TGM3: variants seen among roughly 807,000 people sequenced by gnomAD.
The protein encoded by TGM3 is transglutaminase 3.
A neutral mutation model predicts 73.8 loss-of-function variants in TGM3; 52 were observed. The ratio of observed to expected loss-of-function variants is 0.70; its 90% CI spans 0.56 to 0.89. The LOEUF (loss-of-function observed/expected upper bound fraction) is 0.89. Ranked by LOEUF, TGM3 falls within the 40% of genes least tolerant of loss-of-function variation. The pLI is 0.00. For synonymous variants in TGM3, 372 were observed against 354.9 expected (o/e 1.05, Z -0.54); for missense variants, 928 against 909.9 (o/e 1.02, Z -0.26).
Position 2,328,433 on chromosome 20 carries a change from A to T in TGM3, c.1333+68A>T. 1 of 1,589,358 alleles carries T rather than the reference A, an allele frequency of 6.3e-7. No individual in the cohort carries two copies. Among genetic ancestry groups the T allele is most frequent in the Non-Finnish European group, 8.6e-7 (1 of 1,166,608 alleles). On this transcript the variant is annotated intron_variant, in intron 9 of 12. Coordinates refer to ENST00000381458, the MANE Select transcript of TGM3 (RefSeq NM_003245.4). The surrounding 1 kb of genome is among the most constrained non-coding windows in gnomAD (Gnocchi z 5.2). ...TGTGGGAGGATGGCTCTGAGGCTGG[A>T]GAGGAGAAAAGTCCTCACCTCCCCC...
chr20:2,313,924 C>G (rs1025288675), intron 5 of TGM3, among the ~76,000 whole-genome samples: 63 of 151,942 alleles, frequency 4.1e-4, no homozygotes, highest in Non-Finnish European at 8.4e-4. Flanking sequence ...ACCTGTAATC[C>G]CAGCACTTTG....
rs764108212 is a variant in TGM3, at chr20:2,311,021, C to G, written c.432C>G (p.Val144=). ...TTTTGTATCAAATAGTGGATAGCGT[C>G]TTTATGGGTAACCACGCTGAGAGAG... The part of the protein sequence containing the change: ...LFNPWLNVDS[V]FMGNHAEREE... Residue 144 remains valine (V), a synonymous_variant, in exon 4 of 13, where the codon GTC becomes GTG. Coordinates refer to ENST00000381458, the MANE Select transcript of TGM3 (RefSeq NM_003245.4). 7 of 1,613,652 alleles carry G rather than the reference C, an allele frequency of 4.3e-6. No homozygotes were observed. Among genetic ancestry groups the G allele is most frequent in the Non-Finnish European group, 5.9e-6 (7 of 1,179,560 alleles).
intron 8 of TGM3, among the ~76,000 whole-genome samples, chr20:2,327,812 C>A (rs572830849): frequency 2.0e-5 from 3 of 152,296 alleles, no homozygotes; most frequent in East Asian, 3.9e-4. Context: ...AGGCAGCCAC[C>A]CTGAGCACGA....
chr20:2,332,391 C>A lies in TGM3; in HGVS notation c.1642+81C>A. On this transcript the variant is annotated intron_variant, in intron 10 of 12. Coordinates refer to ENST00000381458, the MANE Select transcript of TGM3 (RefSeq NM_003245.4). The surrounding 1 kb of genome is among the most constrained non-coding windows in gnomAD (Gnocchi z 4.4). ...CTGGGGCTGCAGGGTGTCTGCTGGG[C>A]TCCAGGTTAGTCAGCTACGAATGGA... The A allele has an allele frequency of 7.3e-7, 1 of 1,379,224 alleles. No individual in the cohort carries two copies. Among genetic ancestry groups the A allele is most frequent in the Non-Finnish European group, 9.6e-7 (1 of 1,036,270 alleles). The allele number at this position is 1,379,224 out of a possible 1,614,324, so 85.4% of individuals were successfully genotyped here.
intron 4 of TGM3, among the ~76,000 whole-genome samples, chr20:2,312,587 G>A (rs1429168145): frequency 1.3e-5 from 2 of 152,056 alleles, no homozygotes; most frequent in Non-Finnish European, 2.9e-5. Flanking sequence ...AAGAGAGTTT[G>A]CACAAGGTCT....
intron 5 of TGM3, among the ~76,000 whole-genome samples, chr20:2,314,646 G>A (rs544736789): frequency 2.9e-4 from 44 of 151,234 alleles, no homozygotes; most frequent in South Asian, 6.3e-4. Context: ...GCATGAGTCC[G>A]TTAGTTGCAG....
At position 2,328,162 on chromosome 20, in the gene TGM3, A is replaced by T. The variant is rs765527247; in HGVS notation, c.1130A>T (p.Glu377Val). 5 of 1,614,104 alleles carry T rather than the reference A, an allele frequency of 3.1e-6. No individual in the cohort carries two copies. The South Asian group carries it at 5.5e-5, about 18-fold the overall frequency. Residue 377 changes from glutamate to valine, a missense_variant, in exon 9 of 13, where the codon GAG (glutamate) becomes GTG (valine). Transcript: ENST00000381458. The surrounding 1 kb of genome is among the most constrained non-coding windows in gnomAD (Gnocchi z 5.2). ...CCCGCTTCGGTCATTGGTGTTCGAG[A>T]GGGTGATGTGCAGCTGAACTTCGAC... Reference protein sequence around the residue: ...CGPASVIGVREGDVQLNFDMP... With the variant: ...CGPASVIGVRVGDVQLNFDMP...
chr20:2,301,191 A>G (rs2084145233), intron 1 of TGM3, among the ~76,000 whole-genome samples: 1 of 151,782 alleles, frequency 6.6e-6, no homozygotes, highest in Admixed American at 6.6e-5. Context: ...AAAGAGAGAA[A>G]GGAGAGAGAG....
At chr20:2,313,882 C>A (rs1222103055) in intron 5 of TGM3, among the ~76,000 whole-genome samples, 1 of 152,036 alleles carries the variant, frequency 6.6e-6, no homozygotes, top group Non-Finnish European at 1.5e-5. Context: ...TAAAAAAAAA[C>A]TAGCCAGGCA....
At chr20:2,323,013 T>A (rs1051124004) in intron 7 of TGM3, among the ~76,000 whole-genome samples, 1 of 152,236 alleles carries the variant, frequency 6.6e-6, no homozygotes, top group Non-Finnish European at 1.5e-5. Flanking sequence ...TATAATTTTT[T>A]AATGAACAGC....
At position 2,332,391 on chromosome 20, in the gene TGM3, C is replaced by T. The variant is rs2084326428; in HGVS notation, c.1642+81C>T. The T allele has an allele frequency of 4.4e-6, 6 of 1,379,236 alleles. No homozygotes were observed. The highest frequency in any genetic ancestry group is 2.7e-5 in the Admixed American group (1 of 37,722). The allele number at this position is 1,379,236 out of a possible 1,614,324, so 85.4% of individuals were successfully genotyped here. On this transcript the variant is annotated intron_variant, in intron 10 of 12. Transcript: ENST00000381458. This position sits in a 1 kb window ranked among gnomAD's most constrained non-coding sequence, Gnocchi z 4.4. ...CTGGGGCTGCAGGGTGTCTGCTGGG[C>T]TCCAGGTTAGTCAGCTACGAATGGA...
chr20:2,312,338 G>A (rs758152985), intron 4 of TGM3, among the ~76,000 whole-genome samples: 23 of 129,666 alleles, frequency 1.8e-4, no homozygotes, highest in South Asian at 1.0e-3. Context: ...TGGAGGTCAC[G>A]ATGAGCCGAG....
At position 2,310,477 on chromosome 20, in the gene TGM3, T is replaced by C; in HGVS notation, c.421+60T>C. 4.4e-6 allele frequency: 7 copies of C among 1,587,762 alleles called. No individual in the cohort carries two copies. In the South Asian group the frequency reaches 8.0e-5, roughly 18 times the overall value. ...CCTAAGCTAGAAAAGAAAAAGGGGA[T>C]GGGGGAAATGATCTTCACAGGCTCA... On this transcript the variant is annotated intron_variant, in intron 3 of 12. Transcript: ENST00000381458.
chr20:2,310,161 T>G lies in TGM3; in HGVS notation c.182-17T>G, dbSNP rs2084195610. The stretch of plus-strand genomic sequence containing the variant: ...CCAGTGCTTGTTGGTTTTCTCAACC[T>G]CTGTCTTCTTTGACAGGGCCTTACC... On this transcript the variant is annotated splice_polypyrimidine_tract_variant and intron_variant, in intron 2 of 12. Coordinates refer to ENST00000381458, the MANE Select transcript of TGM3 (RefSeq NM_003245.4). 6.2e-7 allele frequency: 1 copy of G among 1,613,618 alleles called. No homozygotes were observed. Among genetic ancestry groups the G allele is most frequent in the Admixed American group, 1.7e-5 (1 of 60,002 alleles).
chr20:2,337,359 T>C (rs2122257950), intron 11 of TGM3, among the ~76,000 whole-genome samples: 1 of 152,278 alleles, frequency 6.6e-6, no homozygotes, highest in East Asian at 1.9e-4. Flanking sequence ...GGCTAGAAAA[T>C]GATACTGGGT....
At chr20:2,301,151 G>C (rs946722749) in intron 1 of TGM3, among the ~76,000 whole-genome samples, 1 of 151,796 alleles carries the variant, frequency 6.6e-6, no homozygotes, top group Admixed American at 6.6e-5. Context: ...TGATATGTGG[G>C]GGAAGTTAAA....
intron 11 of TGM3, among the ~76,000 whole-genome samples, chr20:2,335,663 G>A (rs1192603789): frequency 1.3e-5 from 2 of 152,106 alleles, no homozygotes; most frequent in Admixed American, 1.3e-4. Flanking sequence ...TGTGTTCTGG[G>A]CCATGCCAGG....
At chr20:2,331,026 A>AAAAAAG (rs1311152126) in intron 9 of TGM3, among the ~76,000 whole-genome samples, 3 of 148,260 alleles carry the variant, frequency 2.0e-5, no homozygotes, top group African/African-American at 7.6e-5. Flanking sequence ...AAAAAAAAAA[A>AAAAAAG]AGAGAGAGAA....
At chr20:2,301,848 G>A (rs1199985202) in intron 1 of TGM3, among the ~76,000 whole-genome samples, 1 of 152,152 alleles carries the variant, frequency 6.6e-6, no homozygotes, top group Non-Finnish European at 1.5e-5. Flanking sequence ...CTACAGGCAT[G>A]TGTCACCACG....
Sources: allele counts gnomAD v4.1 joint callset (sites outside exome capture counted in the v4.1 genomes callset), GRCh38; gene constraint gnomAD v4.1.1; non-coding constraint Gnocchi (gnomAD v3.1); transcripts MANE v1.5; gene names NCBI Gene and HGNC (gene_info 2026-07-23, HGNC 2026-07-21).